The following ATXN7 variants were observed in gnomAD, a reference collection of about 807,000 sequenced individuals.
ATXN7 encodes ataxin 7.
Under a neutral mutation model 70.5 loss-of-function variants are expected in ATXN7, and 12 were observed. The ratio of observed to expected loss-of-function variants is 0.17; its 90% CI spans 0.11 to 0.28. The LOEUF (loss-of-function observed/expected upper bound fraction) is 0.28. Ranked by LOEUF, ATXN7 falls within the 10% of genes least tolerant of loss-of-function variation. The probability of loss-of-function intolerance (pLI) is 1.00; values close to 1 mark genes in which losing one functional copy is unlikely to be tolerated. For missense variants in ATXN7, 1,256 were observed against 1,131.7 expected (o/e 1.11, Z -1.58); for synonymous variants, 498 against 448.7 (o/e 1.11, Z -1.39).
chr3:63,888,761 C>T (rs764660113), intron 1 of ATXN7, among the ~76,000 whole-genome samples: 6 of 151,944 alleles, frequency 3.9e-5, no homozygotes, highest in Non-Finnish European at 8.8e-5. Context: ...GGCGACAGAG[C>T]GAGACTCCGT....
chr3:63,980,639 A>G (rs2075470713), intron 6 of ATXN7: 1 of 168,902 alleles, frequency 5.9e-6, no homozygotes, highest in African/African-American at 2.4e-5. Flanking sequence ...AACAGCCACT[A>G]TGCTGGGTTA....
chr3:63,901,091 T>TAA (rs1703624606), intron 2 of ATXN7: 1 of 152,226 alleles, frequency 6.6e-6, no homozygotes, highest in Non-Finnish European at 1.5e-5. Context: ...AAAGGACAAA[T>TAA]ATCCCTGCCA....
chr3:63,984,259 A>C (rs2075537317), intron 8 of ATXN7, among the ~76,000 whole-genome samples: 2 of 151,960 alleles, frequency 1.3e-5, no homozygotes, highest in Non-Finnish European at 2.9e-5. Flanking sequence ...TAGTGCATAC[A>C]CATACACATT....
chr3:63,904,285 A>AT (rs1203835216), intron 2 of ATXN7: 3,688 of 142,322 alleles, frequency 0.026, 62 homozygotes, highest in African/African-American at 0.054. Flanking sequence ...TGGCTGAATA[A>AT]TTTTTTTTTT....
chr3:63,990,712 G>A, intron 10 of ATXN7, 26 bp from the exon 11 acceptor site: 1 of 1,614,060 alleles, frequency 6.2e-7, no homozygotes, highest in Non-Finnish European at 8.5e-7. Context: ...GAGTCAGCAA[G>A]CACGCGGCTA....
At chr3:63,883,477 C>G (rs1254184508) in intron 1 of ATXN7, among the ~76,000 whole-genome samples, 1 of 152,074 alleles carries the variant, frequency 6.6e-6, no homozygotes, top group African/African-American at 2.4e-5. Context: ...CCACTAGGTA[C>G]CCCTGCTGCT....
At chr3:63,921,186 C>T (rs1234726859) in intron 4 of ATXN7, among the ~76,000 whole-genome samples, 1 of 152,094 alleles carries the variant, frequency 6.6e-6, no homozygotes, top group Non-Finnish European at 1.5e-5. Context: ...ATGTTTTTTT[C>T]TCTTATATGT....
intron 5 of ATXN7, among the ~76,000 whole-genome samples, chr3:63,974,780 A>G (rs2106735923): frequency 6.6e-6 from 1 of 152,312 alleles, no homozygotes; most frequent in South Asian, 2.1e-4. Flanking sequence ...AGTTGTTTGG[A>G]TTATAAAAGA....
At chr3:63,944,532 G>A (rs2074824542) in intron 4 of ATXN7, among the ~76,000 whole-genome samples, 1 of 152,138 alleles carries the variant, frequency 6.6e-6, no homozygotes, top group South Asian at 2.1e-4. Flanking sequence ...GAGTGGGATG[G>A]TGCGAGATTT....
intron 4 of ATXN7, among the ~76,000 whole-genome samples, chr3:63,945,088 A>G (rs2074837708): frequency 6.6e-6 from 1 of 152,118 alleles, no homozygotes; most frequent in Non-Finnish European, 1.5e-5. Context: ...CACCGCACCC[A>G]ACCTGTGTTT....
intron 1 of ATXN7, chr3:63,864,851 T>C (rs1702359274): frequency 6.6e-6 from 1 of 152,240 alleles, no homozygotes; most frequent in Non-Finnish European, 1.5e-5. Flanking sequence ...TTTCCAAAAG[T>C]CACTTTGATT....
At chr3:63,900,582 C>G (rs563332601) in intron 2 of ATXN7, 8 of 152,404 alleles carry the variant, frequency 5.2e-5, no homozygotes, top group Non-Finnish European at 8.8e-5. Context: ...GAGAAACAGG[C>G]TTTCCTGTGT....
In ATXN7 at chr3:63,962,348, T is replaced by C. The variant is rs147965626; in HGVS notation, c.499+9865T>C. Among the ~76,000 whole-genome samples the C allele has an allele frequency of 5.9e-5, 9 of 152,186 alleles. No individual in the cohort carries two copies. The East Asian group carries it at 1.4e-3, about 23-fold the overall frequency. On this transcript the variant is annotated intron_variant, in intron 5 of 12. Coordinates refer to ENST00000674280, the MANE Select transcript of ATXN7 (RefSeq NM_001377405.1). ...TTCAGGTCACAAATAAACTTTGGAA[T>C]GAAATTTGTTTCGTTGCCTCTTATG...
At chr3:63,964,602 C>T (rs111234199) in intron 5 of ATXN7, among the ~76,000 whole-genome samples, 1 of 152,170 alleles carries the variant, frequency 6.6e-6, no homozygotes, top group Non-Finnish European at 1.5e-5. Flanking sequence ...GGAGAGCCAT[C>T]GACCAAAAGA....
At chr3:63,918,583 A>C (rs923741836) in intron 4 of ATXN7, among the ~76,000 whole-genome samples, 2 of 152,178 alleles carry the variant, frequency 1.3e-5, no homozygotes, top group Non-Finnish European at 2.9e-5. Context: ...ATTATTTTGA[A>C]GCATATCATT....
At chr3:63,998,570 C>T in intron 12 of ATXN7, 8 of 985,334 alleles carry the variant, frequency 8.1e-6, no homozygotes, top group Non-Finnish European at 9.6e-6. Flanking sequence ...AAATCAGTTT[C>T]CACTTAAGTT....
intron 5 of ATXN7, among the ~76,000 whole-genome samples, chr3:63,959,965 A>G (rs1230498914): frequency 1.3e-5 from 2 of 152,180 alleles, no homozygotes; most frequent in African/African-American, 2.4e-5. Context: ...TTATATTCTG[A>G]CTTAATACAA....
At chr3:63,932,295 G>A (rs1392780039) in intron 4 of ATXN7, among the ~76,000 whole-genome samples, 2 of 152,164 alleles carry the variant, frequency 1.3e-5, no homozygotes, top group African/African-American at 4.8e-5. Flanking sequence ...TATTTTGGCT[G>A]CATTAAAAGT....
At chr3:63,968,417 G>C (rs1444212195) in intron 5 of ATXN7, 1 of 155,592 alleles carries the variant, frequency 6.4e-6, no homozygotes, top group Non-Finnish European at 1.4e-5. Context: ...AAAAATGGAG[G>C]AACGTTGTAA....
Sources: gnomAD v4.1 joint callset for allele counts (sites outside exome capture counted in the v4.1 genomes callset) on GRCh38, gnomAD v4.1.1 for gene constraint, MANE v1.5 for transcripts, NCBI Gene and HGNC (gene_info 2026-07-23, HGNC 2026-07-21) for gene names.